SGCZ: variants seen among roughly 807,000 people sequenced by gnomAD.
SGCZ encodes the protein zeta-sarcoglycan.
A neutral mutation model predicts 41.3 loss-of-function variants in SGCZ; 40 were observed. That is an observed-to-expected ratio of 0.97 (90% CI 0.75 to 1.26). The LOEUF is 1.26. Among genes scored for constraint, SGCZ ranks in the 50% most tolerant of loss-of-function variants. The pLI, the probability that SGCZ is intolerant of heterozygous loss-of-function variation, is 0.00. For missense variants in SGCZ, 552 were observed against 369.8 expected (o/e 1.49, Z -4.04); for synonymous variants, 206 against 137.5 (o/e 1.50, Z -3.49).
At chr8:14,961,228 T>A (rs996022836) in intron 1 of SGCZ, among the ~76,000 whole-genome samples, 2 of 152,098 alleles carry the variant, frequency 1.3e-5, no homozygotes, top group African/African-American at 4.8e-5. Flanking sequence ...ATATTTTTAT[T>A]AGTTGGTAAA....
At chr8:14,890,415 G>A (rs1804969013) in intron 1 of SGCZ, among the ~76,000 whole-genome samples, 1 of 152,192 alleles carries the variant, frequency 6.6e-6, no homozygotes, top group Non-Finnish European at 1.5e-5. Context: ...TAGTGGTCTA[G>A]ATGGATGAAA....
chr8:14,199,050 C>G (rs1805370528), intron 4 of SGCZ, among the ~76,000 whole-genome samples: 1 of 152,166 alleles, frequency 6.6e-6, no homozygotes, highest in Non-Finnish European at 1.5e-5. Flanking sequence ...AAAAGGATAA[C>G]AGCAATGTTC....
chr8:14,856,185 G>C (rs1803539910), intron 1 of SGCZ, among the ~76,000 whole-genome samples: 1 of 152,138 alleles, frequency 6.6e-6, no homozygotes, highest in Admixed American at 6.5e-5. Flanking sequence ...TTAAGATTTA[G>C]CTAAGATTAG....
chr8:14,723,953 G>C (rs1809972286), intron 1 of SGCZ, among the ~76,000 whole-genome samples: 1 of 152,024 alleles, frequency 6.6e-6, no homozygotes, highest in African/African-American at 2.4e-5. Context: ...ATAATGATGA[G>C]TTCTGACCAC....
At chr8:14,687,190 A>ATT (rs397962270) in intron 1 of SGCZ, among the ~76,000 whole-genome samples, 6 of 147,028 alleles carry the variant, frequency 4.1e-5, no homozygotes, top group Middle Eastern at 3.6e-3. Context: ...ATATATATAT[A>ATT]TTTTAATTTT....
chr8:14,304,061 T>C (rs2116979427), intron 3 of SGCZ, among the ~76,000 whole-genome samples: 1 of 152,186 alleles, frequency 6.6e-6, no homozygotes, highest in East Asian at 2.0e-4. Context: ...CAGTTTGCTA[T>C]TTTTTAATAA....
intron 1 of SGCZ, among the ~76,000 whole-genome samples, chr8:15,083,572 A>G (rs1393351159): frequency 6.6e-6 from 1 of 151,964 alleles, no homozygotes; most frequent in Non-Finnish European, 1.5e-5. Context: ...ATTATTAGAG[A>G]CAGTATCTCA....
intron 1 of SGCZ, among the ~76,000 whole-genome samples, chr8:14,834,460 G>T (rs145704486): frequency 2.6e-5 from 4 of 152,118 alleles, no homozygotes; most frequent in South Asian, 2.1e-4. Flanking sequence ...ACTGAATGAG[G>T]TCCCTCCTTA....
chr8:15,034,890 A>T (rs557260605), intron 1 of SGCZ, among the ~76,000 whole-genome samples: 1 of 152,308 alleles, frequency 6.6e-6, no homozygotes, highest in East Asian at 1.9e-4. Flanking sequence ...ACAGATAAAT[A>T]TTTTTCCAGA....
chr8:14,376,670 C>A (rs772412764), intron 2 of SGCZ, among the ~76,000 whole-genome samples: 2 of 152,118 alleles, frequency 1.3e-5, no homozygotes, highest in Non-Finnish European at 2.9e-5. Context: ...ATTCCAACTT[C>A]TTTTTAGCAA....
At chr8:14,849,932 T>G (rs1803256092) in intron 1 of SGCZ, among the ~76,000 whole-genome samples, 1 of 152,172 alleles carries the variant, frequency 6.6e-6, no homozygotes, top group Admixed American at 6.5e-5. Context: ...TATCTTCAAA[T>G]CACCTTAATA....
intron 1 of SGCZ, among the ~76,000 whole-genome samples, chr8:14,947,128 G>A (rs892204460): frequency 6.6e-6 from 1 of 152,170 alleles, no homozygotes; most frequent in Non-Finnish European, 1.5e-5. Context: ...ACTTTGAAAA[G>A]CAACACTCTC....
At position 14,847,103 on chromosome 8, in the gene SGCZ, A is replaced by AAG. The variant is rs1554510826; in HGVS notation, c.40-292178_40-292177insCT. 2.4e-5 allele frequency among the ~76,000 whole-genome samples: 3 copies of AAG among 124,956 alleles called. No individual in the cohort carries two copies. The Admixed American group carries it at 2.6e-4, about 11-fold the overall frequency. 82.0% of individuals were successfully genotyped at this position (124,956 alleles called of 152,430 possible). On this transcript the variant is annotated intron_variant, in intron 1 of 7. Coordinates refer to ENST00000382080, the MANE Select transcript of SGCZ (RefSeq NM_139167.4). ...ACAAAATAGAAGAAGAAGAAAGAAG[A>AAG]AAGAAGAAAGAAGAAGAAGAAGAAA... is the stretch of plus-strand genomic sequence containing the variant.
intron 1 of SGCZ, among the ~76,000 whole-genome samples, chr8:15,022,928 C>A (rs188258076): frequency 2.0e-5 from 3 of 152,288 alleles, no homozygotes; most frequent in Non-Finnish European, 4.4e-5. Context: ...TGTGGCAGAA[C>A]CTCACATTCC....
intron 1 of SGCZ, among the ~76,000 whole-genome samples, chr8:14,617,862 G>A (rs1056903180): frequency 4.6e-5 from 7 of 152,028 alleles, no homozygotes; most frequent in Admixed American, 1.3e-4. Flanking sequence ...GTGTGTGTGT[G>A]TGTGTGTGTG....
At chr8:14,997,271 G>A (rs1334554314) in intron 1 of SGCZ, among the ~76,000 whole-genome samples, 1 of 152,068 alleles carries the variant, frequency 6.6e-6, no homozygotes, top group South Asian at 2.1e-4. Flanking sequence ...ATCAATTATG[G>A]AATGTTATTT....
At chr8:14,905,393 G>A (rs563800622) in intron 1 of SGCZ, among the ~76,000 whole-genome samples, 37 of 152,018 alleles carry the variant, frequency 2.4e-4, no homozygotes, top group Admixed American at 1.8e-3. Flanking sequence ...ACATCACACC[G>A]CTTTCCAGGA....
chr8:14,769,793 TAAAAAAAAA>T (rs565416806), intron 1 of SGCZ, among the ~76,000 whole-genome samples: 1 of 52,194 alleles, frequency 1.9e-5, no homozygotes, highest in African/African-American at 1.2e-4. Context: ...AAAACACCAT[TAAAAAAAAA>T]AAAAAAAAAA....
At chr8:14,820,845 G>A (rs1233646442) in intron 1 of SGCZ, among the ~76,000 whole-genome samples, 2 of 148,836 alleles carry the variant, frequency 1.3e-5, no homozygotes, top group Non-Finnish European at 1.5e-5. Context: ...TCCTAAGAGG[G>A]AGGTTAGCAA....
Sources: allele counts gnomAD v4.1 joint callset (sites outside exome capture counted in the v4.1 genomes callset), GRCh38; gene constraint gnomAD v4.1.1; transcripts MANE v1.5; gene names NCBI Gene and HGNC (gene_info 2026-07-23, HGNC 2026-07-21).